ZPLD1: variants seen among roughly 807,000 people sequenced by gnomAD.
ZPLD1 encodes zona pellucida-like domain-containing protein 1.
In ZPLD1, 34 loss-of-function variants were observed where a neutral mutation model predicts 47.2. The observed-to-expected ratio is 0.72, with a 90% CI of 0.55 to 0.96. The LOEUF (loss-of-function observed/expected upper bound fraction) is 0.96. ZPLD1 is among the 40% of genes least tolerant of loss of function. The pLI is 0.00. For synonymous variants in ZPLD1, 176 were observed against 186.2 expected, an observed-to-expected ratio of 0.95 and a Z score of 0.45; for missense variants, 512 against 505.8, an observed-to-expected ratio of 1.01 and a Z score of -0.12.
chr3:102,447,901 T>C (rs561863858), intron 3 of ZPLD1, among the ~76,000 whole-genome samples: 1 of 152,330 alleles, frequency 6.6e-6, no homozygotes, highest in Non-Finnish European at 1.5e-5. Context: ...TATTTATATA[T>C]ATAGAACTGG....
intron 8 of ZPLD1, among the ~76,000 whole-genome samples, chr3:102,422,386 T>C (rs1461690600): frequency 6.6e-6 from 1 of 152,032 alleles, no homozygotes; most frequent in Non-Finnish European, 1.5e-5. Flanking sequence ...AAGGATGCTG[T>C]TAAATATCCT....
At chr3:102,447,504 T>C (rs1180399683) in intron 3 of ZPLD1, among the ~76,000 whole-genome samples, 1 of 152,220 alleles carries the variant, frequency 6.6e-6, no homozygotes, top group East Asian at 1.9e-4. Context: ...AGCCAAATTT[T>C]GGAGTGTTGC....
At chr3:102,401,039 G>A (rs1706613819) in intron 7 of ZPLD1, among the ~76,000 whole-genome samples, 1 of 151,974 alleles carries the variant, frequency 6.6e-6, no homozygotes, top group East Asian at 1.9e-4. Context: ...AACATTTTTA[G>A]GACAAAATTT....
intron 3 of ZPLD1, 51 bp from the exon 4 acceptor site, chr3:102,452,868 A>C: frequency 6.3e-7 from 1 of 1,585,268 alleles, no homozygotes; most frequent in African/African-American, 1.4e-5. Context: ...AATGTTATTT[A>C]TCTTTCTGCT....
At chr3:102,411,938 T>G (rs1706751653) in intron 7 of ZPLD1, among the ~76,000 whole-genome samples, 1 of 151,724 alleles carries the variant, frequency 6.6e-6, no homozygotes. Context: ...GAAATTGGCT[T>G]ATGCAATTGT....
Position 102,469,050 on chromosome 3 carries a change from AAC to A in ZPLD1, c.852_853del (p.His284GlnfsTer21). The A allele has an allele frequency of 2.5e-6, 4 of 1,614,172 alleles. No individual in the cohort carries two copies. The highest frequency in any genetic ancestry group is 3.4e-6 in the Non-Finnish European group (4 of 1,180,012). ...TCTTTTGAAGTGTTCCGATTTGTGA[AAC>A]ACAAGAATCAGAAAATGTCCACTGT... On this transcript the variant is annotated frameshift_variant, in exon 9 of 12. Coordinates refer to ENST00000466937, the MANE Select transcript of ZPLD1 (RefSeq NM_001329788.2). LOFTEE classifies it high-confidence loss of function.
intron 7 of ZPLD1, among the ~76,000 whole-genome samples, chr3:102,408,404 G>A (rs1302051328): frequency 6.6e-6 from 1 of 151,742 alleles, no homozygotes; most frequent in African/African-American, 2.4e-5. Context: ...CAGATTCATG[G>A]GATTGTGGAA....
At chr3:102,421,515 T>G (rs1192201309) in intron 8 of ZPLD1, among the ~76,000 whole-genome samples, 1 of 152,068 alleles carries the variant, frequency 6.6e-6, no homozygotes, top group Non-Finnish European at 1.5e-5. Context: ...TGTGCTCATG[T>G]ATTTGAATTC....
At chr3:102,435,234 T>C (rs1402999693) in intron 1 of ZPLD1, 80 bp downstream of exon 1, 2 of 1,516,012 alleles carry the variant, frequency 1.3e-6, no homozygotes, top group Non-Finnish European at 1.8e-6. Flanking sequence ...AAAGAAGGCT[T>C]GAAAATGTCG....
At chr3:102,468,930 G>A (rs765293493) in intron 8 of ZPLD1, 34 bp from the exon 9 acceptor site, 1 of 1,589,274 alleles carries the variant, frequency 6.3e-7, no homozygotes, top group Non-Finnish European at 8.6e-7. Flanking sequence ...GTACTTTCCA[G>A]TGATGTCCTG....
At chr3:102,444,403 A>G (rs916009298) in intron 3 of ZPLD1, among the ~76,000 whole-genome samples, 4 of 152,226 alleles carry the variant, frequency 2.6e-5, no homozygotes, top group African/African-American at 9.6e-5. Flanking sequence ...TAAGTTCTTC[A>G]TCAGCTGTTG....
chr3:102,403,549 C>G (rs1294840842), intron 7 of ZPLD1, among the ~76,000 whole-genome samples: 3 of 151,940 alleles, frequency 2.0e-5, no homozygotes, highest in Non-Finnish European at 2.9e-5. Context: ...TTATCTGAGG[C>G]TTTTACCTAA....
chr3:102,464,690 A>G (rs1707565725), intron 8 of ZPLD1, among the ~76,000 whole-genome samples: 1 of 152,210 alleles, frequency 6.6e-6, no homozygotes, highest in African/African-American at 2.4e-5. Context: ...TTGTTCATTT[A>G]TCAGTATTTA....
At chr3:102,409,903 G>C (rs1706731620) in intron 7 of ZPLD1, among the ~76,000 whole-genome samples, 1 of 151,780 alleles carries the variant, frequency 6.6e-6, no homozygotes, top group South Asian at 2.1e-4. Context: ...AGAAAGCATA[G>C]GGGATAATGG....
At chr3:102,441,262 T>C (rs1053591931) in intron 3 of ZPLD1, among the ~76,000 whole-genome samples, 1 of 152,200 alleles carries the variant, frequency 6.6e-6, no homozygotes, top group Non-Finnish European at 1.5e-5. Context: ...GAAAACGAAG[T>C]ATTTATCATA....
At chr3:102,473,889 C>T (rs1216778135) in intron 10 of ZPLD1, among the ~76,000 whole-genome samples, 2 of 152,164 alleles carry the variant, frequency 1.3e-5, no homozygotes, top group African/African-American at 4.8e-5. Flanking sequence ...GGTCCTGTGG[C>T]CAATTTTATA....
At chr3:102,466,137 G>A (rs570754709) in intron 8 of ZPLD1, among the ~76,000 whole-genome samples, 1 of 152,300 alleles carries the variant, frequency 6.6e-6, no homozygotes, top group East Asian at 1.9e-4. Flanking sequence ...TGTCCTTGGT[G>A]GCAAGGCTGG....
At chr3:102,446,103 T>C (rs1196400253) in intron 3 of ZPLD1, among the ~76,000 whole-genome samples, 2 of 152,280 alleles carry the variant, frequency 1.3e-5, no homozygotes, top group East Asian at 1.9e-4. Flanking sequence ...TATTAAAGAC[T>C]TACACACCAT....
chr3:102,443,783 C>T (rs1485811071), intron 3 of ZPLD1, among the ~76,000 whole-genome samples: 1 of 152,066 alleles, frequency 6.6e-6, no homozygotes, highest in Non-Finnish European at 1.5e-5. Flanking sequence ...TTTCTGTGCC[C>T]AAAGACAAAG....
Sources: allele counts gnomAD v4.1 joint callset (sites outside exome capture counted in the v4.1 genomes callset), GRCh38; gene constraint gnomAD v4.1.1; transcripts MANE v1.5; gene names NCBI Gene and HGNC (gene_info 2026-07-23, HGNC 2026-07-21).